Variants in HDAC8 observed in about 807,000 individuals in gnomAD.
The protein encoded by HDAC8 is histone deacetylase 8.
Under a neutral mutation model 32.2 loss-of-function variants are expected in HDAC8, and 1 was observed. The observed-to-expected ratio is 0.03, with a 90% CI of 0.01 to 0.15. The LOEUF is 0.15. HDAC8 is among the 10% of genes least tolerant of loss of function. HDAC8 has a pLI of 1.00. For missense variants in HDAC8, 117 were observed against 300.0 expected, an observed-to-expected ratio of 0.39 and a Z score of 4.51; for synonymous variants, 108 against 113.9, an observed-to-expected ratio of 0.95 and a Z score of 0.33.
At chrX:72,480,392 G>A in intron 7 of HDAC8, 1 of 330,814 alleles carries the variant, frequency 3.0e-6, no homozygotes, top group Non-Finnish European at 5.9e-6. Context: ...TCATGCTGCT[G>A]TAAAGTCAGG....
At chrX:72,540,723 A>G (rs1214994384) in intron 4 of HDAC8, among the ~76,000 whole-genome samples, 1 of 112,330 alleles carries the variant, frequency 8.9e-6, no homozygotes, top group Non-Finnish European at 1.9e-5. Context: ...CATTCAACAA[A>G]TATTTATTGA....
chrX:72,475,156 A>G (rs1363494258), intron 7 of HDAC8, among the ~76,000 whole-genome samples: 1 of 111,255 alleles, frequency 9.0e-6, no homozygotes, highest in African/African-American at 3.3e-5. Flanking sequence ...ATGCTTTCCA[A>G]CAGACACTCT....
rs371672181 is a variant in HDAC8, at chrX:72,346,701, C to G, written c.1111+5032G>C. Among the ~76,000 whole-genome samples, 11 of 105,497 alleles carry G rather than the reference C, an allele frequency of 1.0e-4. No individual in the cohort carries two copies. In the East Asian group the frequency reaches 2.7e-3, roughly 26 times the overall value. The allele number at this position is 105,497 out of a possible 115,157, so 91.6% of individuals were successfully genotyped here. ...AGCTGGGTGAGCTGGCTTCTCCTAC[C>G]TTCTGTCCATTTCTTTTCCTTCTCT... On this transcript the variant is annotated intron_variant, in intron 10 of 10. Coordinates refer to ENST00000373573, the MANE Select transcript of HDAC8 (RefSeq NM_018486.3).
intron 4 of HDAC8, among the ~76,000 whole-genome samples, chrX:72,543,990 T>C (rs1469060404): frequency 2.7e-5 from 3 of 112,561 alleles, no homozygotes; most frequent in Admixed American, 9.4e-5. Context: ...ATCTGCCTGT[T>C]ACCTATGCTG....
intron 9 of HDAC8, among the ~76,000 whole-genome samples, chrX:72,430,933 G>A (rs2046797831): frequency 8.9e-6 from 1 of 112,008 alleles, no homozygotes; most frequent in African/African-American, 3.2e-5. Context: ...ATTCAAATGT[G>A]TTTGATTTCA....
chrX:72,480,161 C>G (rs782699999), intron 7 of HDAC8, among the ~76,000 whole-genome samples: 1 of 111,949 alleles, frequency 8.9e-6, no homozygotes, highest in South Asian at 3.8e-4. Flanking sequence ...AGAACAAAAG[C>G]ATTTAACACA....
intron 4 of HDAC8, among the ~76,000 whole-genome samples, chrX:72,550,153 T>C (rs1405091657): frequency 2.7e-5 from 3 of 111,573 alleles, no homozygotes; most frequent in African/African-American, 9.8e-5. Context: ...AAACCTTTTT[T>C]GGTCGTGGAA....
intron 9 of HDAC8, among the ~76,000 whole-genome samples, chrX:72,395,899 G>A (rs1164317143): frequency 8.9e-6 from 1 of 112,064 alleles, no homozygotes; most frequent in Non-Finnish European, 1.9e-5. Flanking sequence ...ATAGAGAGGA[G>A]CTTAGTTACT....
chrX:72,376,909 T>A (rs1217238862), intron 9 of HDAC8: 1 of 111,609 alleles, frequency 9.0e-6, no homozygotes, highest in African/African-American at 3.3e-5. Context: ...TGTTTTTGTT[T>A]TCATTCATCT....
chrX:72,338,055 C>T lies in HDAC8; in HGVS notation c.1112-7979G>A, dbSNP rs953151251. Among the ~76,000 whole-genome samples the T allele has an allele frequency of 2.7e-5, 3 of 111,959 alleles. No homozygotes were observed. The Admixed American group carries it at 2.8e-4, about 11-fold the overall frequency. On this transcript the variant is annotated intron_variant, in intron 10 of 10. Transcript: ENST00000373573. ...GGACCACCCAAGCTAAGAAGCCACC[C>T]CCTCAGTCACTCCTTTTCTGTCACA...
intron 9 of HDAC8, among the ~76,000 whole-genome samples, chrX:72,444,520 T>C (rs1456883443): frequency 1.0e-4 from 11 of 108,592 alleles, no homozygotes; most frequent in African/African-American, 3.0e-4. Flanking sequence ...AAATTAGGTA[T>C]TGATGGGACG....
At chrX:72,386,815 C>T (rs2045444681) in intron 9 of HDAC8, among the ~76,000 whole-genome samples, 1 of 111,866 alleles carries the variant, frequency 8.9e-6, no homozygotes, top group Non-Finnish European at 1.9e-5. Flanking sequence ...GTCATCTCTA[C>T]TCTTCAGAAC....
Position 72,470,797 on chromosome X carries a change from A to G in HDAC8, c.738-6066T>C, listed in dbSNP as rs1008753373. Reference sequence around the variant, plus strand: ...TCTACTAAAAAATCTGCAGCTGGTTATCAGGGGCTACAGTTCCAGGAAAAA... The same window carrying G: ...TCTACTAAAAAATCTGCAGCTGGTTGTCAGGGGCTACAGTTCCAGGAAAAA... On this transcript the variant is annotated intron_variant, in intron 7 of 10. Transcript: ENST00000373573. Among the ~76,000 whole-genome samples the G allele has an allele frequency of 2.7e-5, 3 of 112,140 alleles. No homozygotes were observed. In the South Asian group the frequency reaches 1.1e-3, roughly 42 times the overall value.
intron 4 of HDAC8, among the ~76,000 whole-genome samples, chrX:72,526,448 C>T (rs1428703523): frequency 9.0e-6 from 1 of 110,967 alleles, no homozygotes; most frequent in Non-Finnish European, 1.9e-5. Context: ...ACTGCCTTAT[C>T]GTGGTTTGTT....
chrX:72,474,555 A>G, intron 7 of HDAC8: 1 of 1,156,836 alleles, frequency 8.6e-7, no homozygotes, highest in Non-Finnish European at 1.2e-6. Context: ...TTTATACTAC[A>G]TTAGTAACTT....
intron 9 of HDAC8, among the ~76,000 whole-genome samples, chrX:72,421,582 G>A (rs1186500379): frequency 8.9e-6 from 1 of 112,352 alleles, no homozygotes; most frequent in African/African-American, 3.2e-5. Flanking sequence ...TCTTTATGTT[G>A]TTGTTGTCAC....
chrX:72,431,929 C>T (rs1208909952), intron 9 of HDAC8, among the ~76,000 whole-genome samples: 2 of 111,602 alleles, frequency 1.8e-5, no homozygotes, highest in Non-Finnish European at 3.8e-5. Flanking sequence ...AAGGCATTTG[C>T]CCAATGTCAC....
chrX:72,559,719 G>T, intron 4 of HDAC8, among the ~76,000 whole-genome samples: 1 of 105,297 alleles, frequency 9.5e-6, no homozygotes, highest in South Asian at 4.4e-4. Context: ...CTGCCCAGCC[G>T]GGACCCCATC....
intron 9 of HDAC8, among the ~76,000 whole-genome samples, chrX:72,453,664 T>C (rs1245500749): frequency 4.5e-5 from 5 of 111,582 alleles, no homozygotes; most frequent in Non-Finnish European, 9.4e-5. Context: ...TATTTCCAAA[T>C]TTGATAAAAA....
Sources: gnomAD v4.1 joint callset for allele counts (sites outside exome capture counted in the v4.1 genomes callset) on GRCh38, gnomAD v4.1.1 for gene constraint, MANE v1.5 for transcripts, NCBI Gene and HGNC (gene_info 2026-07-23, HGNC 2026-07-21) for gene names.